The following BACH2 variants were observed in gnomAD, a reference collection of about 807,000 sequenced individuals.
BACH2 encodes BACH transcriptional regulator 2, also known as transcription regulator protein BACH2.
BACH2 carries 5 observed loss-of-function variants against 61.8 expected under a neutral mutation model. The observed-to-expected ratio is 0.08, with a 90% confidence interval of 0.04 to 0.17. BACH2 has a LOEUF of 0.17. Ranked by LOEUF, BACH2 falls within the 10% of genes least tolerant of loss-of-function variation. The pLI, the probability that BACH2 is intolerant of heterozygous loss-of-function variation, is 1.00. For missense variants in BACH2, 824 were observed against 1,091.1 expected (o/e 0.76, Z 3.45); for synonymous variants, 446 against 440.1 (o/e 1.01, Z -0.17).
At chr6:90,158,641 G>C (rs1785075702) in intron 4 of BACH2, among the ~76,000 whole-genome samples, 1 of 152,036 alleles carries the variant, frequency 6.6e-6, no homozygotes, top group South Asian at 2.1e-4. Flanking sequence ...GGGTGGTTGA[G>C]CTGGGGGATG....
chr6:90,231,654 A>C (rs990926441), intron 3 of BACH2, among the ~76,000 whole-genome samples: 1 of 152,198 alleles, frequency 6.6e-6, no homozygotes, highest in African/African-American at 2.4e-5. Context: ...TTCATGTATA[A>C]CAACCAACCA....
rs902087920 is a variant in BACH2 at position 89,932,129 on chromosome 6, G to C, written c.*279C>G. Reference sequence around the variant, plus strand: ...GTGGTTGGGGCCTAGAGGTGTTGTAGTCTATCCCTGTGAAGACTGAAATTG... The same window carrying C: ...GTGGTTGGGGCCTAGAGGTGTTGTACTCTATCCCTGTGAAGACTGAAATTG... On this transcript the variant is annotated 3_prime_UTR_variant, in exon 9 of 9. Coordinates refer to ENST00000257749, the MANE Select transcript of BACH2 (RefSeq NM_021813.4). 5.9e-6 allele frequency: 2 copies of C among 341,578 alleles called. No homozygotes were observed. Among genetic ancestry groups the C allele is most frequent in the Non-Finnish European group, 1.1e-5 (2 of 185,366 alleles). 21.2% of individuals were successfully genotyped at this position (341,578 alleles called of 1,614,324 possible).
At chr6:90,191,895 T>G (rs1001541358) in intron 4 of BACH2, among the ~76,000 whole-genome samples, 15 of 152,240 alleles carry the variant, frequency 9.9e-5, no homozygotes, top group African/African-American at 3.6e-4. Context: ...GAGGATTTAA[T>G]TCATTCTTAA....
intron 5 of BACH2, among the ~76,000 whole-genome samples, chr6:90,072,603 A>G (rs1324178024): frequency 1.3e-5 from 2 of 151,924 alleles, no homozygotes; most frequent in African/African-American, 4.8e-5. Flanking sequence ...TTATTTTTTT[A>G]CCTGTCCCTT....
At chr6:90,023,196 T>C (rs945850875) in intron 5 of BACH2, among the ~76,000 whole-genome samples, 11 of 152,046 alleles carry the variant, frequency 7.2e-5, no homozygotes, top group Admixed American at 6.6e-5. Flanking sequence ...TGTTATGGAG[T>C]GATATGGTTT....
chr6:90,006,641 G>A (rs1265160570), intron 6 of BACH2, among the ~76,000 whole-genome samples: 2 of 152,038 alleles, frequency 1.3e-5, no homozygotes, highest in South Asian at 2.1e-4. Context: ...TTTGAGACAC[G>A]TTCTCACTCT....
chr6:89,936,125 A>C (rs532142942), intron 8 of BACH2, among the ~76,000 whole-genome samples: 8 of 152,322 alleles, frequency 5.3e-5, no homozygotes, highest in African/African-American at 1.7e-4. Context: ...AGAGATGATC[A>C]AGTCACTGTC....
intron 3 of BACH2, among the ~76,000 whole-genome samples, chr6:90,207,129 G>GT (rs1311396707): frequency 6.6e-6 from 1 of 151,468 alleles, no homozygotes; most frequent in Non-Finnish European, 1.5e-5. Flanking sequence ...TTTTGTTTTT[G>GT]TTTTTTTGGC....
chr6:89,978,633 T>TAAAAAAAAAAAAAAA (rs753724278), intron 6 of BACH2, among the ~76,000 whole-genome samples: 138 of 85,994 alleles, frequency 1.6e-3, no homozygotes, highest in Non-Finnish European at 2.3e-3. Flanking sequence ...GTGTTGGCTT[T>TAAAAAAAAAAAAAAA]AAAAAAAAAA....
intron 3 of BACH2, among the ~76,000 whole-genome samples, chr6:90,240,206 A>C (rs1770398372): frequency 6.6e-6 from 1 of 152,230 alleles, no homozygotes; most frequent in South Asian, 2.1e-4. Context: ...AAATGAAAAA[A>C]TACTGCATTT....
intron 4 of BACH2, among the ~76,000 whole-genome samples, chr6:90,097,372 A>G (rs1782423425): frequency 6.6e-6 from 1 of 152,236 alleles, no homozygotes; most frequent in Admixed American, 6.5e-5. Flanking sequence ...TTGAAAAACC[A>G]ACATGTGAGT....
At chr6:90,293,551 TG>T (rs1359959783) in intron 1 of BACH2, among the ~76,000 whole-genome samples, 1 of 152,188 alleles carries the variant, frequency 6.6e-6, no homozygotes, top group Non-Finnish European at 1.5e-5. Context: ...GTGCAGACAG[TG>T]GGCCCAGAAG....
chr6:89,975,026 A>G (rs1775574608), intron 6 of BACH2, among the ~76,000 whole-genome samples: 1 of 152,128 alleles, frequency 6.6e-6, no homozygotes, highest in Non-Finnish European at 1.5e-5. Context: ...AATAGAGTAC[A>G]CTCACAGCTG....
intron 4 of BACH2, among the ~76,000 whole-genome samples, chr6:90,116,061 T>C (rs1287345452): frequency 2.6e-5 from 4 of 152,134 alleles, no homozygotes. Context: ...GTTGGTGGTA[T>C]TGTAAATGAG....
At chr6:90,024,590 T>C (rs1469645754) in intron 5 of BACH2, among the ~76,000 whole-genome samples, 2 of 152,240 alleles carry the variant, frequency 1.3e-5, no homozygotes, top group East Asian at 3.8e-4. Flanking sequence ...TTTCTATGGT[T>C]CTATGAAAGT....
intron 4 of BACH2, among the ~76,000 whole-genome samples, chr6:90,191,520 C>T (rs1768571703): frequency 6.6e-6 from 1 of 152,168 alleles, no homozygotes; most frequent in South Asian, 2.1e-4. Flanking sequence ...GAATTCAATT[C>T]AACAAATACG....
chr6:90,246,997 A>T (rs1226321245), intron 3 of BACH2, among the ~76,000 whole-genome samples: 2 of 152,208 alleles, frequency 1.3e-5, no homozygotes, highest in Non-Finnish European at 2.9e-5. Context: ...GTTACGAATC[A>T]AGTTTTTGAT....
At chr6:90,292,834 A>G in intron 1 of BACH2, among the ~76,000 whole-genome samples, 1 of 152,268 alleles carries the variant, frequency 6.6e-6, no homozygotes, top group Non-Finnish European at 1.5e-5. Context: ...CAATATTTAA[A>G]AATCAGGAAA....
intron 4 of BACH2, among the ~76,000 whole-genome samples, chr6:90,181,200 T>C (rs895286292): frequency 1.3e-5 from 2 of 152,206 alleles, no homozygotes; most frequent in Non-Finnish European, 2.9e-5. Context: ...ACTTTTTCAT[T>C]ATAGCCATTC....
Sources: allele counts gnomAD v4.1 joint callset (sites outside exome capture counted in the v4.1 genomes callset), GRCh38; gene constraint gnomAD v4.1.1; transcripts MANE v1.5; gene names NCBI Gene and HGNC (gene_info 2026-07-23, HGNC 2026-07-21).